Variants in TTC28 observed in about 807,000 individuals in gnomAD.
TTC28 encodes tetratricopeptide repeat domain 28.
TTC28 carries 61 observed loss-of-function variants against 198.0 expected under a neutral mutation model. That is an observed-to-expected ratio of 0.31 (90% confidence interval 0.25 to 0.38). TTC28 has a LOEUF of 0.38. Ranked by LOEUF, TTC28 falls within the 10% of genes least tolerant of loss-of-function variation. The pLI, the probability that TTC28 is intolerant of heterozygous loss-of-function variation, is 1.00. For synonymous variants in TTC28, 1,171 were observed against 1,297.8 expected, an observed-to-expected ratio of 0.90 and a Z score of 2.10; for missense variants, 2,678 against 3,164.0, an observed-to-expected ratio of 0.85 and a Z score of 3.69.
At chr22:28,158,037 A>C (rs529585337) in intron 6 of TTC28, among the ~76,000 whole-genome samples, 2 of 152,278 alleles carry the variant, frequency 1.3e-5, no homozygotes, top group East Asian at 3.9e-4. Flanking sequence ...CATCAAAAAA[A>C]AACCACTAGA....
At chr22:28,192,421 G>A (rs954899117) in intron 5 of TTC28, among the ~76,000 whole-genome samples, 77 of 152,176 alleles carry the variant, frequency 5.1e-4, no homozygotes, top group African/African-American at 1.7e-3. Flanking sequence ...CACCAGTAAC[G>A]GAACAAAGCT....
chr22:28,049,809 G>A (rs1452364709), intron 12 of TTC28, among the ~76,000 whole-genome samples: 1 of 152,106 alleles, frequency 6.6e-6, no homozygotes, highest in Non-Finnish European at 1.5e-5. Context: ...CATGAGAGCT[G>A]TGTATGGGTG....
At chr22:28,196,862 G>T in intron 5 of TTC28, among the ~76,000 whole-genome samples, 1 of 152,146 alleles carries the variant, frequency 6.6e-6, no homozygotes, top group Non-Finnish European at 1.5e-5. Context: ...AGTCAGTGTG[G>T]TGATTCCTCA....
intron 2 of TTC28, among the ~76,000 whole-genome samples, chr22:28,435,958 CCT>C (rs766252122): frequency 1.7e-4 from 26 of 152,268 alleles, no homozygotes; most frequent in Middle Eastern, 6.8e-3. Flanking sequence ...ATCTCCTCCC[CCT>C]GTTTTTAATT....
At chr22:28,310,173 C>CACACACACACACAA (rs1340546067) in intron 2 of TTC28, among the ~76,000 whole-genome samples, 1 of 94,358 alleles carries the variant, frequency 1.1e-5, no homozygotes, top group African/African-American at 4.5e-5. Flanking sequence ...CACACACACA[C>CACACACACACACAA]AAAAAACAAG....
chr22:27,985,395 G>A (rs1274687495), intron 21 of TTC28, 39 bp from the exon 22 acceptor site: 1 of 1,482,102 alleles, frequency 6.7e-7, no homozygotes. Context: ...CTTCCTTCGG[G>A]AAGATTCCAG....
chr22:28,106,894 G>T (rs998694257), intron 7 of TTC28, among the ~76,000 whole-genome samples, 168 bp downstream of exon 7: 2 of 152,104 alleles, frequency 1.3e-5, no homozygotes, highest in African/African-American at 4.8e-5. Context: ...TAACATAAGG[G>T]TAACAACATC....
chr22:28,127,894 ATT>A (rs35611269), intron 6 of TTC28, among the ~76,000 whole-genome samples: 20 of 137,576 alleles, frequency 1.5e-4, no homozygotes, highest in Non-Finnish European at 1.6e-4. Flanking sequence ...TGCCTGGCTA[ATT>A]TTTTTTTTTT....
chr22:28,193,613 C>CA (rs1183518241), intron 5 of TTC28, among the ~76,000 whole-genome samples: 1 of 151,498 alleles, frequency 6.6e-6, no homozygotes, highest in African/African-American at 2.4e-5. Context: ...AAATGGAAAA[C>CA]AAAAAAAGGC....
chr22:28,188,540 C>T (rs979593047), intron 5 of TTC28, among the ~76,000 whole-genome samples: 11 of 152,142 alleles, frequency 7.2e-5, no homozygotes, highest in African/African-American at 2.7e-4. Flanking sequence ...GTCTGCTCCC[C>T]TAATCTGGCA....
At chr22:28,552,818 G>C (rs967569703) in intron 2 of TTC28, among the ~76,000 whole-genome samples, 2 of 118,232 alleles carry the variant, frequency 1.7e-5, no homozygotes, top group African/African-American at 3.3e-5. Context: ...CTCTTTCCAC[G>C]GTCTCCCTCT....
intron 3 of TTC28, among the ~76,000 whole-genome samples, chr22:28,298,468 T>C (rs777952105): frequency 2.6e-5 from 4 of 152,108 alleles, no homozygotes; most frequent in Admixed American, 6.6e-5. Context: ...GGTTTGTTTG[T>C]GACAGGTCTT....
chr22:28,426,227 AAAAAG>A (rs1210512675), intron 2 of TTC28, among the ~76,000 whole-genome samples: 1 of 151,580 alleles, frequency 6.6e-6, no homozygotes, highest in Non-Finnish European at 1.5e-5. Context: ...AAAAAAAAAA[AAAAAG>A]AAAGAAAGAA....
Position 27,983,386 on chromosome 22 carries a change from C to CT in TTC28, c.6280dup (p.Arg2094LysfsTer47). 1 of 1,551,290 alleles carries CT rather than the reference C, an allele frequency of 6.4e-7. No homozygotes were observed. Among genetic ancestry groups the CT allele is most frequent in the Non-Finnish European group, 8.7e-7 (1 of 1,147,056 alleles). ...GCTCCCTTTGGAGCTCACCGAGACT[C>CT]TCATGCCTCCGGCTGTCCCAGGTTG... On this transcript the variant is annotated frameshift_variant, in exon 23 of 23. Transcript: ENST00000397906. LOFTEE classifies it low-confidence loss of function (END_TRUNC).
chr22:28,384,570 T>C (rs771466956), intron 2 of TTC28, among the ~76,000 whole-genome samples: 13 of 152,254 alleles, frequency 8.5e-5, no homozygotes, highest in Non-Finnish European at 1.6e-4. Context: ...ATCAGTTACA[T>C]AGTAAGTATG....
intron 8 of TTC28, among the ~76,000 whole-genome samples, chr22:28,103,607 G>C (rs985461739): frequency 6.6e-6 from 1 of 152,146 alleles, no homozygotes; most frequent in Non-Finnish European, 1.5e-5. Context: ...TTTGGCCCAC[G>C]AGGAAAGCCA....
chr22:27,993,535 G>A lies in TTC28; in HGVS notation c.5245-17C>T. 1 of 1,531,002 alleles carries A rather than the reference G, an allele frequency of 6.5e-7. No homozygotes were observed. Among genetic ancestry groups the A allele is most frequent in the East Asian group, 2.5e-5 (1 of 40,560 alleles). 94.8% of individuals were successfully genotyped at this position (1,531,002 alleles called of 1,614,324 possible). On this transcript the variant is annotated splice_polypyrimidine_tract_variant and intron_variant, in intron 17 of 22. Transcript: ENST00000397906. ...TTTCTCCACCTGAGGGGGAATTGGG[G>A]GTGAGTCAGAGACCCAGGCCAGCCC...
intron 2 of TTC28, among the ~76,000 whole-genome samples, chr22:28,344,823 G>T (rs1355391645): frequency 1.3e-5 from 2 of 152,130 alleles, no homozygotes; most frequent in Non-Finnish European, 2.9e-5. Flanking sequence ...ATCATTCTTT[G>T]ATTAATAAGG....
chr22:28,525,018 T>C (rs964079469), intron 2 of TTC28, among the ~76,000 whole-genome samples: 2 of 152,182 alleles, frequency 1.3e-5, no homozygotes, highest in African/African-American at 2.4e-5. Flanking sequence ...TTATTATTGA[T>C]AGAAAAAAAG....
Sources: gnomAD v4.1 joint callset for allele counts (sites outside exome capture counted in the v4.1 genomes callset) on GRCh38, gnomAD v4.1.1 for gene constraint, MANE v1.5 for transcripts, NCBI Gene and HGNC (gene_info 2026-07-23, HGNC 2026-07-21) for gene names.